Variants in CSMD3 observed in about 807,000 individuals in gnomAD.
CSMD3 encodes CUB and sushi domain-containing protein 3.
CSMD3 carries 177 observed loss-of-function variants against 435.2 expected under a neutral mutation model. The ratio of observed to expected loss-of-function variants is 0.41; its 90% CI spans 0.36 to 0.46. CSMD3 has a LOEUF of 0.46. Ranked by LOEUF, CSMD3 falls within the 20% of genes least tolerant of loss-of-function variation. The pLI is 0.34. For missense variants in CSMD3, 4,265 were observed against 4,504.6 expected, an observed-to-expected ratio of 0.95 and a Z score of 1.52; for synonymous variants, 1,656 against 1,520.5, an observed-to-expected ratio of 1.09 and a Z score of -2.07.
chr8:112,517,683 G>A (rs964144938), intron 27 of CSMD3, among the ~76,000 whole-genome samples: 1 of 152,064 alleles, frequency 6.6e-6, no homozygotes, highest in Non-Finnish European at 1.5e-5. Flanking sequence ...AACTAATAGA[G>A]AAATGCAAAT....
chr8:112,764,275 T>A (rs989602854), intron 13 of CSMD3, among the ~76,000 whole-genome samples: 27 of 151,582 alleles, frequency 1.8e-4, no homozygotes, highest in African/African-American at 6.5e-4. Flanking sequence ...TAAGCAAAAA[T>A]TTAAAAACTT....
chr8:113,168,519 C>CAGAAAAAAA (rs2092202062), intron 4 of CSMD3, among the ~76,000 whole-genome samples: 1 of 17,018 alleles, frequency 5.9e-5, no homozygotes, highest in East Asian at 3.4e-3. Flanking sequence ...GACTCTGTCT[C>CAGAAAAAAA]AAAAAAAAAA....
intron 38 of CSMD3, among the ~76,000 whole-genome samples, chr8:112,365,620 C>T (rs1037824711): frequency 2.0e-5 from 3 of 151,780 alleles, no homozygotes; most frequent in South Asian, 2.1e-4. Context: ...GCAAAAATTA[C>T]ATGAAGAACA....
intron 6 of CSMD3, among the ~76,000 whole-genome samples, chr8:112,996,156 A>C (rs2085644651): frequency 6.6e-6 from 1 of 151,366 alleles, no homozygotes; most frequent in African/African-American, 2.4e-5. Flanking sequence ...TAGGAATGTA[A>C]TACATAGATT....
chr8:113,275,905 T>C (rs1445691883), intron 3 of CSMD3, among the ~76,000 whole-genome samples: 1 of 152,022 alleles, frequency 6.6e-6, no homozygotes, highest in African/African-American at 2.4e-5. Flanking sequence ...GGTTAGTAGA[T>C]CTATTTTACT....
intron 14 of CSMD3, among the ~76,000 whole-genome samples, chr8:112,688,575 A>G (rs1432088473): frequency 6.6e-6 from 1 of 152,068 alleles, no homozygotes; most frequent in East Asian, 1.9e-4. Flanking sequence ...TTCTATCTGT[A>G]TTTCGTTCTC....
At chr8:113,229,373 ATCAG>A (rs2093060793) in intron 3 of CSMD3, among the ~76,000 whole-genome samples, 1 of 151,638 alleles carries the variant, frequency 6.6e-6, no homozygotes, top group African/African-American at 2.4e-5. Context: ...TTTTTGAAAG[ATCAG>A]TCACTTTGCT....
At chr8:112,484,634 A>G (rs1020417392) in intron 31 of CSMD3, among the ~76,000 whole-genome samples, 4 of 152,114 alleles carry the variant, frequency 2.6e-5, no homozygotes, top group African/African-American at 4.8e-5. Flanking sequence ...ATGAGAATCC[A>G]TATGACTGTC....
At chr8:112,481,529 T>A (rs1819621868) in intron 31 of CSMD3, among the ~76,000 whole-genome samples, 1 of 152,168 alleles carries the variant, frequency 6.6e-6, no homozygotes, top group Non-Finnish European at 1.5e-5. Context: ...TGTGATATAT[T>A]AAATCAATAA....
intron 4 of CSMD3, among the ~76,000 whole-genome samples, chr8:113,117,931 G>T (rs552990264): frequency 1.3e-5 from 2 of 152,302 alleles, no homozygotes; most frequent in Admixed American, 6.5e-5. Flanking sequence ...TATCTAGGAA[G>T]TAAGTAACCT....
intron 3 of CSMD3, among the ~76,000 whole-genome samples, chr8:113,239,422 T>C (rs1279551522): frequency 1.3e-5 from 2 of 152,172 alleles, no homozygotes; most frequent in African/African-American, 2.4e-5. Context: ...CGTATGCCAC[T>C]GTGATTTAGA....
chr8:112,239,815 G>A (rs528652309), intron 66 of CSMD3, among the ~76,000 whole-genome samples: 2 of 151,892 alleles, frequency 1.3e-5, no homozygotes, highest in East Asian at 3.9e-4. Flanking sequence ...TTTCTACTTT[G>A]TTTCTGAAAA....
intron 22 of CSMD3, among the ~76,000 whole-genome samples, chr8:112,593,194 A>T (rs999221935): frequency 7.9e-5 from 12 of 152,204 alleles, no homozygotes; most frequent in Non-Finnish European, 1.5e-4. Flanking sequence ...TAGGCAATGG[A>T]GATTCATAGA....
At chr8:112,744,329 T>A (rs1028373746) in intron 13 of CSMD3, among the ~76,000 whole-genome samples, 2 of 152,060 alleles carry the variant, frequency 1.3e-5, no homozygotes, top group Non-Finnish European at 2.9e-5. Flanking sequence ...CCCATGCCAT[T>A]TCTGGATGTA....
chr8:113,309,378 C>G (rs899148271), intron 2 of CSMD3: 1 of 152,298 alleles, frequency 6.6e-6, no homozygotes, highest in East Asian at 1.9e-4. Context: ...CCTATGCTTC[C>G]TTCGCTCCCT....
At chr8:112,495,787 A>G (rs1415355192) in intron 30 of CSMD3, among the ~76,000 whole-genome samples, 1 of 152,118 alleles carries the variant, frequency 6.6e-6, no homozygotes, top group African/African-American at 2.4e-5. Flanking sequence ...CTGAACAGAT[A>G]CTAGGTAAAA....
At chr8:113,357,926 C>T (rs560684656) in intron 1 of CSMD3, among the ~76,000 whole-genome samples, 16 of 152,230 alleles carry the variant, frequency 1.1e-4, no homozygotes, top group African/African-American at 3.1e-4. Context: ...GCACAGCCTG[C>T]GGAACTGTGA....
chr8:113,183,384 G>GT (rs200264828), intron 3 of CSMD3, among the ~76,000 whole-genome samples: 4 of 151,640 alleles, frequency 2.6e-5, no homozygotes, highest in South Asian at 2.1e-4. Context: ...TTGATTCCAG[G>GT]TTTTTTTTGG....
At chr8:112,763,027 G>A (rs1212336487) in intron 13 of CSMD3, among the ~76,000 whole-genome samples, 3 of 151,706 alleles carry the variant, frequency 2.0e-5, no homozygotes, top group African/African-American at 7.3e-5. Context: ...CTAGAAAAAT[G>A]CTACGAGAGT....
Sources: allele counts gnomAD v4.1 joint callset (sites outside exome capture counted in the v4.1 genomes callset), GRCh38; gene constraint gnomAD v4.1.1; transcripts MANE v1.5; gene names NCBI Gene and HGNC (gene_info 2026-07-23, HGNC 2026-07-21).